Variants in GABRA4 observed in about 807,000 individuals in gnomAD.
The protein encoded by GABRA4 is gamma-aminobutyric acid receptor subunit alpha-4.
GABRA4 carries 12 observed loss-of-function variants against 49.7 expected under a neutral mutation model. The ratio of observed to expected loss-of-function variants is 0.24; its 90% CI spans 0.15 to 0.39. The LOEUF (loss-of-function observed/expected upper bound fraction) is 0.39. Among genes scored for constraint, GABRA4 ranks in the 10% least tolerant of loss-of-function variants. The pLI is 1.00. For synonymous variants in GABRA4, 288 were observed against 240.2 expected (o/e 1.20, Z -1.84); for missense variants, 506 against 686.0 (o/e 0.74, Z 2.93).
intron 8 of GABRA4, among the ~76,000 whole-genome samples, chr4:46,952,378 G>C (rs1175265878): frequency 1.3e-5 from 2 of 152,032 alleles, no homozygotes; most frequent in Non-Finnish European, 2.9e-5. Flanking sequence ...ATTAAGAAAA[G>C]CATGCCATGC....
At chr4:46,966,226 A>G (rs1192758314) in intron 7 of GABRA4, among the ~76,000 whole-genome samples, 6 of 151,696 alleles carry the variant, frequency 4.0e-5, no homozygotes, top group Non-Finnish European at 1.5e-5. Flanking sequence ...CATCCATTTA[A>G]ACTGATTCTA....
chr4:46,976,300 C>T (rs1330346106), intron 5 of GABRA4, among the ~76,000 whole-genome samples: 1 of 137,224 alleles, frequency 7.3e-6, no homozygotes, highest in African/African-American at 2.8e-5. Flanking sequence ...ACTAAAACAA[C>T]AGCCTCCATT....
chr4:46,959,596 T>C (rs931410968), intron 8 of GABRA4, among the ~76,000 whole-genome samples: 3 of 151,554 alleles, frequency 2.0e-5, no homozygotes, highest in Non-Finnish European at 4.4e-5. Flanking sequence ...GTAATGGCAA[T>C]TGCTGTAGTC....
Position 46,922,564 on chromosome 4 carries a change from C to A in GABRA4, c.*5661G>T, listed in dbSNP as rs1721075342. The A allele has an allele frequency of 6.6e-6, 1 of 151,612 alleles. No individual in the cohort carries two copies. Among genetic ancestry groups the A allele is most frequent in the Non-Finnish European group, 1.5e-5 (1 of 67,946 alleles). The allele number at this position is 151,612 out of a possible 1,614,324, so 9.4% of individuals were successfully genotyped here. A position where few individuals can be genotyped will look rare whatever the true frequency, so the allele number is the denominator to read the frequency against. Reference sequence around the variant, plus strand: ...TTATATAAATAGGTCTCTGTAGTCTCAAAAAATATTATAGACATGATCTCA... The same window carrying A: ...TTATATAAATAGGTCTCTGTAGTCTAAAAAAATATTATAGACATGATCTCA... On this transcript the variant is annotated 3_prime_UTR_variant, in exon 9 of 9. Coordinates refer to ENST00000264318, the MANE Select transcript of GABRA4 (RefSeq NM_000809.4).
chr4:46,980,494 A>G (rs1423658597), intron 2 of GABRA4, among the ~76,000 whole-genome samples: 1 of 152,074 alleles, frequency 6.6e-6, no homozygotes, highest in Admixed American at 6.6e-5. Flanking sequence ...GATCCACACA[A>G]AGAAAGATAG....
intron 2 of GABRA4, among the ~76,000 whole-genome samples, chr4:46,980,716 AGCT>A (rs1444006786): frequency 6.6e-6 from 1 of 152,104 alleles, no homozygotes; most frequent in Non-Finnish European, 1.5e-5. Flanking sequence ...GATAGTAATA[AGCT>A]CATTAATGTC....
intron 6 of GABRA4, 25 bp from the exon 7 acceptor site, chr4:46,971,260 G>C (rs1722939564): frequency 6.2e-7 from 1 of 1,605,362 alleles, no homozygotes; most frequent in South Asian, 1.1e-5. Context: ...GGAGGAAAAT[G>C]TGTTATCGGT....
intron 2 of GABRA4, among the ~76,000 whole-genome samples, chr4:46,985,434 C>T (rs189498869): frequency 1.5e-4 from 23 of 151,728 alleles, no homozygotes; most frequent in Admixed American, 9.2e-4. Flanking sequence ...GATGAAAAGA[C>T]GTATAAAAAG....
intron 6 of GABRA4, among the ~76,000 whole-genome samples, chr4:46,973,280 G>A (rs972817792): frequency 6.6e-6 from 1 of 151,658 alleles, no homozygotes; most frequent in African/African-American, 2.4e-5. Context: ...TTGGCTTTGG[G>A]GTGTTTAAAC....
intron 2 of GABRA4, among the ~76,000 whole-genome samples, chr4:46,980,504 G>C (rs1170009395): frequency 1.3e-5 from 2 of 151,960 alleles, no homozygotes; most frequent in Non-Finnish European, 2.9e-5. Flanking sequence ...AAGAAAGATA[G>C]CTCGAGGGAG....
intron 8 of GABRA4, among the ~76,000 whole-genome samples, chr4:46,957,807 T>A (rs1339641622): frequency 6.6e-6 from 1 of 151,914 alleles, no homozygotes; most frequent in Non-Finnish European, 1.5e-5. Context: ...GATTATTTGA[T>A]CATTAACTAA....
At chr4:46,967,542 A>AT (rs1722809565) in intron 7 of GABRA4, among the ~76,000 whole-genome samples, 2 of 151,568 alleles carry the variant, frequency 1.3e-5, no homozygotes, top group Non-Finnish European at 3.0e-5. Context: ...CAGGTTCATG[A>AT]GTTAAGTGGT....
chr4:46,980,547 A>G (rs1268782974), intron 2 of GABRA4, among the ~76,000 whole-genome samples: 2 of 152,110 alleles, frequency 1.3e-5, no homozygotes, highest in Non-Finnish European at 1.5e-5. Flanking sequence ...TAAGTATCCT[A>G]AGAAAAATAG....
At chr4:46,948,856 G>T (rs1722068261) in intron 8 of GABRA4, among the ~76,000 whole-genome samples, 1 of 151,962 alleles carries the variant, frequency 6.6e-6, no homozygotes, top group South Asian at 2.1e-4. Flanking sequence ...TCTTATTCAG[G>T]ATTTCACCTC....
intron 8 of GABRA4, among the ~76,000 whole-genome samples, chr4:46,930,724 T>G (rs1490948761): frequency 1.3e-5 from 2 of 151,860 alleles, no homozygotes; most frequent in Non-Finnish European, 2.9e-5. Flanking sequence ...ATCTGTATGT[T>G]TCCTAATACC....
rs561497415 is a variant in GABRA4, at chr4:46,964,109, A to G, written c.1134+861T>C. ...AAAGAATGAGATCCAGTCATTTGCT[A>G]CAACATGGATGGAAATGGAGATCAT... On this transcript the variant is annotated intron_variant, in intron 8 of 8. Coordinates refer to ENST00000264318, the MANE Select transcript of GABRA4 (RefSeq NM_000809.4). 4.6e-5 allele frequency among the ~76,000 whole-genome samples: 7 copies of G among 152,054 alleles called. No individual in the cohort carries two copies. The East Asian group carries it at 1.4e-3, about 30-fold the overall frequency.
At chr4:46,976,034 T>C (rs1344250891) in intron 5 of GABRA4, among the ~76,000 whole-genome samples, 1 of 151,882 alleles carries the variant, frequency 6.6e-6, no homozygotes. Context: ...ACTAAGAATC[T>C]GAAGCAATAG....
At chr4:46,943,979 CA>C (rs1023593951) in intron 8 of GABRA4, among the ~76,000 whole-genome samples, 13 of 151,878 alleles carry the variant, frequency 8.6e-5, no homozygotes, top group East Asian at 1.9e-4. Flanking sequence ...TGGTGTGGGC[CA>C]GGGGGGAATG....
At chr4:46,943,532 C>A (rs1321271282) in intron 8 of GABRA4, among the ~76,000 whole-genome samples, 1 of 152,188 alleles carries the variant, frequency 6.6e-6, no homozygotes. Context: ...TTTTCAGCGG[C>A]ACCTGATTGT....
Sources: allele counts gnomAD v4.1 joint callset (sites outside exome capture counted in the v4.1 genomes callset), GRCh38; gene constraint gnomAD v4.1.1; transcripts MANE v1.5; gene names NCBI Gene and HGNC (gene_info 2026-07-23, HGNC 2026-07-21).